Variants in SS18L1 observed in about 807,000 individuals in gnomAD.
The protein encoded by SS18L1 is SS18L1 subunit of BAF chromatin remodeling complex, also known as calcium-responsive transactivator.
SS18L1 carries 32 observed loss-of-function variants against 70.3 expected under a neutral mutation model. The observed-to-expected ratio is 0.46, with a 90% CI of 0.34 to 0.61. The LOEUF (loss-of-function observed/expected upper bound fraction) is 0.61. Among genes scored for constraint, SS18L1 ranks in the 20% least tolerant of loss-of-function variants. The pLI is 0.01. For synonymous variants in SS18L1, 237 were observed against 229.7 expected, an observed-to-expected ratio of 1.03 and a Z score of -0.29; for missense variants, 430 against 542.1, an observed-to-expected ratio of 0.79 and a Z score of 2.05.
intron 1 of SS18L1, chr20:62,154,209 C>T (rs756263537): frequency 1.3e-5 from 7 of 536,988 alleles, no homozygotes; most frequent in Admixed American, 1.2e-4. Context: ...TTAAGGATTA[C>T]TGGAAGGACC....
In SS18L1 at chr20:62,161,331, T is replaced by C; in HGVS notation, c.232-105T>C. 2.0e-6 allele frequency: 3 copies of C among 1,516,320 alleles called. No individual in the cohort carries two copies. The highest frequency in any genetic ancestry group is 2.7e-6 in the Non-Finnish European group (3 of 1,096,212). 93.9% of individuals were successfully genotyped at this position (1,516,320 alleles called of 1,614,324 possible). On this transcript the variant is annotated intron_variant, in intron 3 of 10. Transcript: ENST00000331758. The surrounding 1 kb of genome is among the most constrained non-coding windows in gnomAD (Gnocchi z 4.4). ...ACGAACATTGACCAGGTGGCCATGATGTGTGGCGGCAAATCTCGGGTGCCC... is the reference window on the plus strand; with the variant it reads ...ACGAACATTGACCAGGTGGCCATGACGTGTGGCGGCAAATCTCGGGTGCCC...
At chr20:62,148,159 G>T (rs2057065540) in intron 1 of SS18L1, among the ~76,000 whole-genome samples, 1 of 152,242 alleles carries the variant, frequency 6.6e-6, no homozygotes, top group African/African-American at 2.4e-5. Context: ...TAGGGGGGTT[G>T]GGTCCCCTCA....
intron 7 of SS18L1, 64 bp downstream of exon 7, chr20:62,164,310 C>T (rs2057388746): frequency 1.4e-6 from 2 of 1,396,614 alleles, no homozygotes; most frequent in East Asian, 2.7e-5. Flanking sequence ...GCAAGGAGGG[C>T]AAGGAGGGCA....
rs1303059084 is a variant in SS18L1 at position 62,161,160 on chromosome 20, A to G, written c.232-276A>G. Among the ~76,000 whole-genome samples, 3 of 151,274 alleles carry G rather than the reference A, an allele frequency of 2.0e-5. No homozygotes were observed. The highest frequency in any genetic ancestry group is 4.4e-5 in the Non-Finnish European group (3 of 67,882). On this transcript the variant is annotated intron_variant, in intron 3 of 10. Transcript: ENST00000331758. The surrounding 1 kb of genome is among the most constrained non-coding windows in gnomAD (Gnocchi z 4.4). ...GAAAGGGGTTCCCTGCTGTCCCAGG[A>G]GGAGGTCCAGCTTTTCACACCCAGG...
chr20:62,154,002 G>C (rs950836227), intron 1 of SS18L1, among the ~76,000 whole-genome samples: 13 of 152,186 alleles, frequency 8.5e-5, no homozygotes, highest in African/African-American at 2.9e-4. Context: ...TGTTATTCTT[G>C]CCCTGACAAT....
At chr20:62,146,765 G>A (rs896318009) in intron 1 of SS18L1, among the ~76,000 whole-genome samples, 6 of 152,018 alleles carry the variant, frequency 3.9e-5, no homozygotes, top group African/African-American at 2.4e-5. Context: ...GATTATAGGC[G>A]CGTGCCACCA....
At chr20:62,162,620 CTTAATCA>C (rs2057349901) in intron 4 of SS18L1, 125 bp from the exon 5 acceptor site, 1 of 921,088 alleles carries the variant, frequency 1.1e-6, no homozygotes, top group Non-Finnish European at 1.6e-6. Context: ...TTATTAGTCA[CTTAATCA>C]TTAATAGTGC....
chr20:62,172,839 C>G (rs930776095), intron 9 of SS18L1, 38 bp downstream of exon 9: 8 of 1,602,298 alleles, frequency 5.0e-6, no homozygotes, highest in Non-Finnish European at 6.0e-6. Context: ...CCCCCAGCGC[C>G]CACCCCTGCC....
rs1415154009 is a variant in SS18L1 at position 62,161,890 on chromosome 20, G to T, written c.376+310G>T. Among the ~76,000 whole-genome samples the T allele has an allele frequency of 6.6e-6, 1 of 152,214 alleles. No individual in the cohort carries two copies. The highest frequency in any genetic ancestry group is 1.5e-5 in the Non-Finnish European group (1 of 68,038). ...TAGGAATGGAATGCTCCTGTCTTTG[G>T]ATTGAGAAGCATGGATAACGTTTGG... On this transcript the variant is annotated intron_variant, in intron 4 of 10. Transcript: ENST00000331758. The surrounding 1 kb of genome is among the most constrained non-coding windows in gnomAD (Gnocchi z 4.4).
rs1031034893 is a variant in SS18L1, at chr20:62,179,436, T to C, written c.*228T>C. On this transcript the variant is annotated 3_prime_UTR_variant, in exon 11 of 11. Coordinates refer to ENST00000331758, the MANE Select transcript of SS18L1 (RefSeq NM_198935.3). The stretch of plus-strand genomic sequence containing the variant: ...TTTTGGTGCTGTGTATAGTATTGTA[T>C]GTCGGTACACGGAGAGGTATCCTTT... 1.0e-5 allele frequency: 6 copies of C among 579,676 alleles called. No homozygotes were observed. The highest frequency in any genetic ancestry group is 1.9e-5 in the Non-Finnish European group (6 of 323,184). 35.9% of individuals were successfully genotyped at this position (579,676 alleles called of 1,614,324 possible).
At chr20:62,165,334 A>T in intron 7 of SS18L1, 88 bp from the exon 8 acceptor site, 1 of 1,326,546 alleles carries the variant, frequency 7.5e-7, no homozygotes, top group Non-Finnish European at 1.0e-6. Context: ...GCCAGACAAC[A>T]TCTCCCCAGC....
Position 62,179,601 on chromosome 20 carries a change from A to G in SS18L1, c.*393A>G. 3.4e-6 allele frequency: 1 copy of G among 292,002 alleles called. No individual in the cohort carries two copies. The allele number at this position is 292,002 out of a possible 1,614,324, so 18.1% of individuals were successfully genotyped here. A position where few individuals can be genotyped will look rare whatever the true frequency, so the allele number is the denominator to read the frequency against. On this transcript the variant is annotated 3_prime_UTR_variant, in exon 11 of 11. Transcript: ENST00000331758. ...TTCCCGTCAACAGACGTTAGGTCTC[A>G]TTTTCCTCCTCATGCAGTGTTGTAG...
Position 62,182,188 on chromosome 20 carries a change from A to G in SS18L1, c.*2980A>G, listed in dbSNP as rs1568775965. On this transcript the variant is annotated 3_prime_UTR_variant, in exon 11 of 11. Transcript: ENST00000331758. ...TCTGAAAAGAAACCTTAATACGCTC[A>G]TATGGTTGGAGTGTTAAGTGAACCT... 1 of 222,438 alleles carries G rather than the reference A, an allele frequency of 4.5e-6. No individual in the cohort carries two copies. The highest frequency in any genetic ancestry group is 5.7e-5 in the Admixed American group (1 of 17,392). 13.8% of individuals were successfully genotyped at this position (222,438 alleles called of 1,614,324 possible). A position where few individuals can be genotyped will look rare whatever the true frequency, so the allele number is the denominator to read the frequency against.
rs537617742 is a variant in SS18L1 at position 62,151,883 on chromosome 20, G to C, written c.70-6789G>C. Among the ~76,000 whole-genome samples, 60 of 91,072 alleles carry C rather than the reference G, an allele frequency of 6.6e-4. 1 individual carries two copies. In the South Asian group the frequency reaches 0.023, roughly 35 times the overall value. The allele number at this position is 91,072 out of a possible 152,430, so 59.7% of individuals were successfully genotyped here. A position where few individuals can be genotyped will look rare whatever the true frequency, so the allele number is the denominator to read the frequency against. On this transcript the variant is annotated intron_variant, in intron 1 of 10. Coordinates refer to ENST00000331758, the MANE Select transcript of SS18L1 (RefSeq NM_198935.3). ...CCGCTCCCCAGAGCTGGCCTTCCCC[G>C]TTCCCCTCTTTTCCCGATCCCCAGA...
rs1449143166 is a variant in SS18L1, at chr20:62,159,120, G to A, written c.146+372G>A. Among the ~76,000 whole-genome samples, 1 of 152,198 alleles carries A rather than the reference G, an allele frequency of 6.6e-6. No homozygotes were observed. The stretch of plus-strand genomic sequence containing the variant: ...GAACTGGGGTAGTTCTGAGGGAGGC[G>A]GAAAGTGGGAGGCAGGAGCAGTGTG... On this transcript the variant is annotated intron_variant, in intron 2 of 10. Transcript: ENST00000331758. This position sits in a 1 kb window ranked among gnomAD's most constrained non-coding sequence, Gnocchi z 4.4.
At chr20:62,169,947 CAG>C (rs1199723477) in intron 8 of SS18L1, among the ~76,000 whole-genome samples, 2 of 152,236 alleles carry the variant, frequency 1.3e-5, no homozygotes, top group African/African-American at 2.4e-5. Context: ...GAGTGGACGA[CAG>C]GGTGGTGTGG....
chr20:62,152,143 G>A (rs928758958), intron 1 of SS18L1, among the ~76,000 whole-genome samples: 5 of 152,098 alleles, frequency 3.3e-5, no homozygotes, highest in African/African-American at 9.7e-5. Flanking sequence ...CCAGCTGGAC[G>A]TCAACCCCAG....
chr20:62,179,295 A>G lies in SS18L1; in HGVS notation c.*87A>G, dbSNP rs1568771810. 41 of 1,498,140 alleles carry G rather than the reference A, an allele frequency of 2.7e-5. 1 individual carries two copies. The South Asian group carries it at 3.7e-4, about 14-fold the overall frequency. The allele number at this position is 1,498,140 out of a possible 1,614,324, so 92.8% of individuals were successfully genotyped here. A position where few individuals can be genotyped will look rare whatever the true frequency, so the allele number is the denominator to read the frequency against. On this transcript the variant is annotated 3_prime_UTR_variant, in exon 11 of 11. Transcript: ENST00000331758. ...GGCGGCAGCTCTGGTGAATTGTGAC[A>G]TGTTGGTTACCTGTTCGCCCAGTGC... is the stretch of plus-strand genomic sequence containing the variant.
chr20:62,166,033 C>T (rs773638583), intron 8 of SS18L1, among the ~76,000 whole-genome samples: 7 of 152,228 alleles, frequency 4.6e-5, no homozygotes, highest in Non-Finnish European at 7.3e-5. Flanking sequence ...GGCAGTGCTG[C>T]GCTGGGGGCT....
Sources: gnomAD v4.1 joint callset for allele counts (sites outside exome capture counted in the v4.1 genomes callset) on GRCh38, gnomAD v4.1.1 for gene constraint, Gnocchi (gnomAD v3.1) non-coding constraint, MANE v1.5 for transcripts, NCBI Gene and HGNC (gene_info 2026-07-23, HGNC 2026-07-21) for gene names.